LARGE1: variants seen among roughly 807,000 people sequenced by gnomAD.
LARGE1 encodes LARGE xylosyl- and glucuronyltransferase 1.
Under a neutral mutation model 87.6 loss-of-function variants are expected in LARGE1, and 43 were observed. The observed-to-expected ratio is 0.49, with a 90% CI of 0.38 to 0.63. LARGE1 has a LOEUF of 0.63. Among genes scored for constraint, LARGE1 ranks in the 30% least tolerant of loss-of-function variants. The pLI, the probability that LARGE1 is intolerant of heterozygous loss-of-function variation, is 0.00. For synonymous variants in LARGE1, 434 were observed against 394.6 expected (o/e 1.10, Z -1.18); for missense variants, 802 against 1,000.2 (o/e 0.80, Z 2.67).
intron 7 of LARGE1, among the ~76,000 whole-genome samples, chr22:33,387,143 G>A (rs1418797111): frequency 1.4e-5 from 2 of 144,680 alleles, no homozygotes; most frequent in African/African-American, 2.5e-5. Context: ...AAAAAAGGGC[G>A]GGCAGGTGTG....
chr22:33,154,665 T>C, the LARGE1 span, among the ~76,000 whole-genome samples: 7 of 152,230 alleles, frequency 4.6e-5, no homozygotes, highest in East Asian at 1.3e-3. Flanking sequence ...CCTTCTTCTA[T>C]TTAAGAATCA....
chr22:33,410,351 G>A (rs544784581), intron 7 of LARGE1, among the ~76,000 whole-genome samples: 2 of 152,084 alleles, frequency 1.3e-5, no homozygotes, highest in South Asian at 2.1e-4. Context: ...CAGCCAAATC[G>A]CATCTTGAAT....
chr22:33,855,409 T>C (rs1285780394), intron 1 of LARGE1, among the ~76,000 whole-genome samples: 1 of 152,106 alleles, frequency 6.6e-6, no homozygotes, highest in Non-Finnish European at 1.5e-5. Flanking sequence ...TGGGAAACTG[T>C]CAGAACCCTA....
chr22:33,404,714 C>T (rs2066036869), intron 7 of LARGE1, among the ~76,000 whole-genome samples: 1 of 152,230 alleles, frequency 6.6e-6, no homozygotes, highest in Admixed American at 6.5e-5. Context: ...CAAAATTATC[C>T]TGGCTCAAGC....
chr22:33,594,847 T>C (rs995069600), intron 5 of LARGE1, among the ~76,000 whole-genome samples: 2 of 152,152 alleles, frequency 1.3e-5, no homozygotes, highest in Non-Finnish European at 1.5e-5. Flanking sequence ...CCTTAGGTGG[T>C]CCACCTGCCT....
intron 1 of LARGE1, among the ~76,000 whole-genome samples, chr22:33,879,740 T>C (rs572018901): frequency 2.0e-5 from 3 of 152,212 alleles, no homozygotes; most frequent in African/African-American, 7.2e-5. Context: ...GTACTCGCCA[T>C]AGTGTATTAG....
intron 12 of LARGE1, among the ~76,000 whole-genome samples, chr22:33,290,273 T>C (rs974408807): frequency 1.3e-5 from 2 of 152,178 alleles, no homozygotes; most frequent in African/African-American, 2.4e-5. Flanking sequence ...TACGGGAAAG[T>C]GTCTCGGAAG....
chr22:33,677,286 G>GT (rs1264920047), intron 2 of LARGE1, among the ~76,000 whole-genome samples: 6 of 116,224 alleles, frequency 5.2e-5, no homozygotes, highest in African/African-American at 2.5e-4. Flanking sequence ...TCTTTCAGGA[G>GT]TTAAAAAAAA....
chr22:33,540,748 C>G (rs1435166945), intron 6 of LARGE1, among the ~76,000 whole-genome samples: 3 of 152,094 alleles, frequency 2.0e-5, no homozygotes, highest in Non-Finnish European at 4.4e-5. Flanking sequence ...ACCTGGGCAT[C>G]ATTATTCTTC....
chr22:33,337,494 C>A, intron 10 of LARGE1, 152 bp downstream of exon 10: 1 of 844,688 alleles, frequency 1.2e-6, no homozygotes. Context: ...ATGTACCTCT[C>A]TCCCCGACTA....
intron 6 of LARGE1, among the ~76,000 whole-genome samples, chr22:33,446,926 C>G (rs1048083698): frequency 1.3e-5 from 2 of 152,146 alleles, no homozygotes; most frequent in African/African-American, 4.8e-5. Flanking sequence ...CAGAGTCTTG[C>G]TCTGTCACCC....
chr22:33,716,277 T>TA (rs2082905325), intron 2 of LARGE1, among the ~76,000 whole-genome samples: 1 of 152,202 alleles, frequency 6.6e-6, no homozygotes, highest in Admixed American at 6.5e-5. Flanking sequence ...ATATTTATAC[T>TA]AAAAAAATTG....
chr22:33,111,824 T>A, the LARGE1 span, among the ~76,000 whole-genome samples: 3 of 152,200 alleles, frequency 2.0e-5, no homozygotes, highest in Non-Finnish European at 4.4e-5. Context: ...GGAATTTATG[T>A]GCTTCTGGAG....
At chr22:33,635,203 A>G (rs1011577879) in intron 3 of LARGE1, among the ~76,000 whole-genome samples, 1 of 151,998 alleles carries the variant, frequency 6.6e-6, no homozygotes, top group Non-Finnish European at 1.5e-5. Flanking sequence ...CCCCTGGCCC[A>G]TTCCCTGGAA....
intron 1 of LARGE1, among the ~76,000 whole-genome samples, chr22:33,844,377 G>A (rs144812179): frequency 6.6e-6 from 1 of 152,174 alleles, no homozygotes; most frequent in African/African-American, 2.4e-5. Context: ...AGGGAGTTTA[G>A]TAAAGAGCAA....
chr22:33,650,456 C>A lies in LARGE1; in HGVS notation c.319G>T (p.Gly107Cys). Residue 107 changes from glycine to cysteine, a missense_variant, in exon 3 of 15, where the codon GGC (glycine) becomes TGC (cysteine). Transcript: ENST00000397394. ...CGAAGGTTCTCGCTGTCTCCAGTGC[C>A]CTCCTCCATGGAGTAGGTCTTGGAG... ...NHSKTYSMEE[G>C]TGDSENLRAG... 1 of 1,614,158 alleles carries A rather than the reference C, an allele frequency of 6.2e-7. No homozygotes were observed. The highest frequency in any genetic ancestry group is 8.5e-7 in the Non-Finnish European group (1 of 1,180,048).
rs996393112 is a variant in LARGE1, at chr22:33,399,028, T to C, written c.893-14724A>G. The stretch of plus-strand genomic sequence containing the variant: ...TCTGGGATACAACATGCAGGTTTGT[T>C]ACATAGATATACACGTGGCATGGTG... On this transcript the variant is annotated intron_variant, in intron 7 of 14. Coordinates refer to ENST00000397394, the MANE Select transcript of LARGE1 (RefSeq NM_133642.5). Among the ~76,000 whole-genome samples, 7 of 152,210 alleles carry C rather than the reference T, an allele frequency of 4.6e-5. No homozygotes were observed. In the East Asian group the frequency reaches 1.2e-3, roughly 25 times the overall value.
At chr22:33,171,600 T>C (rs1040757245) in intron 11 of LARGE1, among the ~76,000 whole-genome samples, 1 of 152,214 alleles carries the variant, frequency 6.6e-6, no homozygotes, top group African/African-American at 2.4e-5. Flanking sequence ...AGGGCCAAAG[T>C]ACAGCTCATG....
At chr22:33,335,619 T>A (rs1411787253) in intron 10 of LARGE1, among the ~76,000 whole-genome samples, 1 of 152,182 alleles carries the variant, frequency 6.6e-6, no homozygotes, top group Non-Finnish European at 1.5e-5. Flanking sequence ...AAATCCAACA[T>A]ACAACCTCCT....
Sources: gnomAD v4.1 joint callset for allele counts (sites outside exome capture counted in the v4.1 genomes callset) on GRCh38, gnomAD v4.1.1 for gene constraint, MANE v1.5 for transcripts, NCBI Gene and HGNC (gene_info 2026-07-23, HGNC 2026-07-21) for gene names.